NSG2: variants seen among roughly 807,000 people sequenced by gnomAD.
NSG2 encodes neuronal vesicle trafficking associated 2, also known as neuronal vesicle trafficking-associated protein 2.
In NSG2, 4 loss-of-function variants were observed where a neutral mutation model predicts 16.9. The ratio of observed to expected loss-of-function variants is 0.24; its 90% CI spans 0.12 to 0.54. The LOEUF is 0.54. NSG2 is among the 20% of genes least tolerant of loss of function. The pLI, the probability that NSG2 is intolerant of heterozygous loss-of-function variation, is 0.95. For synonymous variants in NSG2, 98 were observed against 88.7 expected (o/e 1.11, Z -0.59); for missense variants, 179 against 221.1 (o/e 0.81, Z 1.21).
rs761667553 is a variant in NSG2 at position 174,104,221 on chromosome 5, C to T, written c.214-7C>T. On this transcript the variant is annotated splice_polypyrimidine_tract_variant and splice_region_variant and intron_variant, in intron 3 of 4. Transcript: ENST00000303177. ...AGGCTGGATGACTTAATTTTGTATT[C>T]CTCCAGGTCACCATCCTTGTCAGCC... is the stretch of plus-strand genomic sequence containing the variant. 3.7e-6 allele frequency: 6 copies of T among 1,609,954 alleles called. No individual in the cohort carries two copies. In the East Asian group the frequency reaches 1.3e-4, roughly 36 times the overall value.
At chr5:174,078,539 C>T (rs1424067904) in intron 3 of NSG2, among the ~76,000 whole-genome samples, 1 of 152,230 alleles carries the variant, frequency 6.6e-6, no homozygotes, top group African/African-American at 2.4e-5. Flanking sequence ...AATCAAGCTG[C>T]AGTGAACCTC....
rs139325199 is a variant in NSG2 at position 174,071,016 on chromosome 5, C to T, written c.213+6701C>T. ...CTGCCTCATTAGGCTCTGGCCAGGG[C>T]CAGCTCAGACTGGAGGGTGTGTAGG... On this transcript the variant is annotated intron_variant, in intron 3 of 4. Transcript: ENST00000303177. 1.1e-4 allele frequency among the ~76,000 whole-genome samples: 17 copies of T among 152,312 alleles called. No homozygotes were observed. In the East Asian group the frequency reaches 2.5e-3, roughly 22 times the overall value.
At chr5:174,052,073 A>C (rs947169737) in intron 2 of NSG2, among the ~76,000 whole-genome samples, 3 of 152,180 alleles carry the variant, frequency 2.0e-5, no homozygotes, top group African/African-American at 7.2e-5. Flanking sequence ...GAGCCACCCT[A>C]GGGACAAGGG....
chr5:174,052,929 T>A (rs1759915606), intron 2 of NSG2, among the ~76,000 whole-genome samples: 1 of 152,196 alleles, frequency 6.6e-6, no homozygotes, highest in Admixed American at 6.5e-5. Flanking sequence ...AAACGCTTCT[T>A]TTCTTTCTAT....
At chr5:174,066,425 A>G (rs1305396182) in intron 3 of NSG2, 5 of 347,450 alleles carry the variant, frequency 1.4e-5, no homozygotes, top group South Asian at 1.1e-4. Context: ...TTGCTGCAGT[A>G]CTATCTATAA....
chr5:174,084,684 C>A (rs1760567016), intron 3 of NSG2, among the ~76,000 whole-genome samples: 1 of 152,254 alleles, frequency 6.6e-6, no homozygotes, highest in African/African-American at 2.4e-5. Flanking sequence ...AAGGAAGACA[C>A]CCCTGGGCTG....
At chr5:174,048,361 G>T (rs1167479124) in intron 2 of NSG2, among the ~76,000 whole-genome samples, 9 of 152,156 alleles carry the variant, frequency 5.9e-5, no homozygotes, top group Admixed American at 5.2e-4. Context: ...AAATCTCCCA[G>T]GTGGCTCCTG....
rs138508830 is a variant in NSG2 at position 174,098,812 on chromosome 5, G to A, written c.214-5416G>A. On this transcript the variant is annotated intron_variant, in intron 3 of 4. Coordinates refer to ENST00000303177, the MANE Select transcript of NSG2 (RefSeq NM_015980.5). ...GCTGAGTGAGTGGATGAGGGGAGAC[G>A]GGTGCAGAGAGGGTGATTCCGTGGT... Among the ~76,000 whole-genome samples the A allele has an allele frequency of 2.6e-4, 39 of 152,264 alleles. No homozygotes were observed. The Middle Eastern group carries it at 0.01, about 40-fold the overall frequency.
chr5:174,092,062 G>A (rs1314370923), intron 3 of NSG2, among the ~76,000 whole-genome samples: 9 of 152,210 alleles, frequency 5.9e-5, no homozygotes, highest in Admixed American at 3.3e-4. Flanking sequence ...ACAGTCTCCA[G>A]GCTACTTGCA....
At chr5:174,088,983 T>C (rs1760677475) in intron 3 of NSG2, among the ~76,000 whole-genome samples, 1 of 152,156 alleles carries the variant, frequency 6.6e-6, no homozygotes, top group South Asian at 2.1e-4. Flanking sequence ...CAGACTTGGC[T>C]TCTAGGTATT....
chr5:174,100,040 C>A (rs527374027), intron 3 of NSG2, among the ~76,000 whole-genome samples: 1 of 152,218 alleles, frequency 6.6e-6, no homozygotes, highest in Admixed American at 6.5e-5. Flanking sequence ...GCAGAAGTTA[C>A]CAAAATTCAG....
At chr5:174,081,516 C>T (rs538023181) in intron 3 of NSG2, 2 of 152,244 alleles carry the variant, frequency 1.3e-5, no homozygotes, top group South Asian at 4.1e-4. Flanking sequence ...TTTGCTAATA[C>T]ATTACTGTAT....
intron 3 of NSG2, among the ~76,000 whole-genome samples, chr5:174,097,629 CTCTG>C: frequency 7.3e-6 from 1 of 137,200 alleles, no homozygotes. Context: ...CTGTGTGTGT[CTCTG>C]TGTGTGTGTT....
chr5:174,107,364 C>T lies in NSG2; in HGVS notation c.375C>T (p.Asp125=), dbSNP rs1760998681. Residue 125 remains aspartate (D), a synonymous_variant, in exon 5 of 5, where the codon GAC becomes GAT. Transcript: ENST00000303177. This position sits in a 1 kb window ranked among gnomAD's most constrained non-coding sequence, Gnocchi z 4.5. Reference sequence around the variant, plus strand: ...TGGATGCTTACTACTCCTCCCAGGACCCCAATTCCAGAAGCCGCTTCTACA... The same window carrying T: ...TGGATGCTTACTACTCCTCCCAGGATCCCAATTCCAGAAGCCGCTTCTACA... ...ASLDAYYSSQ[D]PNSRSRFYTV... The T allele has an allele frequency of 6.2e-7, 1 of 1,600,664 alleles. No individual in the cohort carries two copies.
intron 2 of NSG2, among the ~76,000 whole-genome samples, chr5:174,054,236 T>A (rs1325332790): frequency 6.6e-6 from 1 of 152,258 alleles, no homozygotes; most frequent in African/African-American, 2.4e-5. Context: ...TTCTTGTAAT[T>A]CATAAGACAG....
intron 3 of NSG2, among the ~76,000 whole-genome samples, chr5:174,093,054 T>C (rs1264716082): frequency 6.6e-6 from 1 of 152,218 alleles, no homozygotes; most frequent in African/African-American, 2.4e-5. Context: ...ATTGTAGGTT[T>C]ATAGGCAGTC....
Position 174,100,124 on chromosome 5 carries a change from G to A in NSG2, c.214-4104G>A, listed in dbSNP as rs370323663. Among the ~76,000 whole-genome samples, 32 of 152,358 alleles carry A rather than the reference G, an allele frequency of 2.1e-4. No homozygotes were observed. The East Asian group carries it at 4.6e-3, about 22-fold the overall frequency. ...AATTCTGGGGTCATGGAGCATGTGG[G>A]GTGGCCTGGCAGAAGTTAGCCCTGC... On this transcript the variant is annotated intron_variant, in intron 3 of 4. Coordinates refer to ENST00000303177, the MANE Select transcript of NSG2 (RefSeq NM_015980.5).
At chr5:174,051,887 G>A (rs1477940040) in intron 2 of NSG2, among the ~76,000 whole-genome samples, 2 of 152,228 alleles carry the variant, frequency 1.3e-5, no homozygotes, top group African/African-American at 2.4e-5. Flanking sequence ...TCAGAAGGGT[G>A]GAGGAACGAT....
intron 3 of NSG2, chr5:174,066,397 G>C (rs1449481871): frequency 2.5e-6 from 1 of 394,214 alleles, no homozygotes; most frequent in Non-Finnish European, 5.2e-6. Flanking sequence ...ATATTCCCAG[G>C]TTCACATGTA....
Sources: gnomAD v4.1 joint callset for allele counts (sites outside exome capture counted in the v4.1 genomes callset) on GRCh38, gnomAD v4.1.1 for gene constraint, Gnocchi (gnomAD v3.1) non-coding constraint, MANE v1.5 for transcripts, NCBI Gene and HGNC (gene_info 2026-07-23, HGNC 2026-07-21) for gene names.